Variants in KCNQ1 observed in about 807,000 individuals in gnomAD.
KCNQ1 encodes the protein potassium voltage-gated channel subfamily Q member 1, also known as potassium voltage-gated channel subfamily KQT member 1.
A neutral mutation model predicts 72.4 loss-of-function variants in KCNQ1; 49 were observed. That is an observed-to-expected ratio of 0.68 (90% CI 0.54 to 0.86). The LOEUF (loss-of-function observed/expected upper bound fraction) is 0.86. KCNQ1 is among the 40% of genes least tolerant of loss of function. The pLI is 0.00. For synonymous variants in KCNQ1, 450 were observed against 412.6 expected, an observed-to-expected ratio of 1.09 and a Z score of -1.10; for missense variants, 790 against 945.1, an observed-to-expected ratio of 0.84 and a Z score of 2.15.
chr11:2,695,511 A>G lies in KCNQ1; in HGVS notation c.1514+33430A>G, dbSNP rs912718902. ...GTGTACATCTAGTCCCCTGCTCCTA[A>G]CCACAGTGACCAGCTCCAACTGCCC... On this transcript the variant is annotated intron_variant, in intron 11 of 15. Transcript: ENST00000155840. This position sits in a 1 kb window ranked among gnomAD's most constrained non-coding sequence, Gnocchi z 5.2. 9 of 398,256 alleles carry G rather than the reference A, an allele frequency of 2.3e-5. No homozygotes were observed. Among genetic ancestry groups the G allele is most frequent in the Non-Finnish European group, 3.5e-5 (8 of 226,052 alleles). The allele number at this position is 398,256 out of a possible 1,614,324, so 24.7% of individuals were successfully genotyped here. A position where few individuals can be genotyped will look rare whatever the true frequency, so the allele number is the denominator to read the frequency against.
chr11:2,620,470 C>T lies in KCNQ1; in HGVS notation c.1393+31616C>T. 3 of 331,700 alleles carry T rather than the reference C, an allele frequency of 9.0e-6. No individual in the cohort carries two copies. Among genetic ancestry groups the T allele is most frequent in the Non-Finnish European group, 1.6e-5 (3 of 185,248 alleles). 20.5% of individuals were successfully genotyped at this position (331,700 alleles called of 1,614,324 possible). ...ACCTCAGGTGATCCACCCGCCTTGGCCTCCCAAAGTGCTGGGATTACAGGT... is the reference window on the plus strand; with the variant it reads ...ACCTCAGGTGATCCACCCGCCTTGGTCTCCCAAAGTGCTGGGATTACAGGT... On this transcript the variant is annotated intron_variant, in intron 10 of 15. Coordinates refer to ENST00000155840, the MANE Select transcript of KCNQ1 (RefSeq NM_000218.3). The surrounding 1 kb of genome is among the most constrained non-coding windows in gnomAD (Gnocchi z 4.5).
chr11:2,548,299 C>T (rs1320259497), intron 2 of KCNQ1, among the ~76,000 whole-genome samples: 1 of 152,182 alleles, frequency 6.6e-6, no homozygotes, highest in African/African-American at 2.4e-5. Flanking sequence ...ACGTCTTTTG[C>T]TGCTTCCCTT....
At chr11:2,529,798 C>A (rs984503863) in intron 2 of KCNQ1, among the ~76,000 whole-genome samples, 1 of 152,142 alleles carries the variant, frequency 6.6e-6, no homozygotes, top group South Asian at 2.1e-4. Context: ...GTGGTACCTG[C>A]GGCCAGCGGG....
chr11:2,522,234 G>T (rs1287795937), intron 1 of KCNQ1, among the ~76,000 whole-genome samples: 1 of 151,616 alleles, frequency 6.6e-6, no homozygotes, highest in African/African-American at 2.4e-5. Context: ...CCTCTTGGGA[G>T]CTCGGGTGGG....
At chr11:2,805,455 G>A (rs1180666269) in intron 15 of KCNQ1, among the ~76,000 whole-genome samples, 1 of 152,246 alleles carries the variant, frequency 6.6e-6, no homozygotes, top group Non-Finnish European at 1.5e-5. Context: ...ATTTACAAAA[G>A]GATCTGAAGG....
chr11:2,546,009 T>G (rs912357656), intron 2 of KCNQ1, among the ~76,000 whole-genome samples: 1 of 152,154 alleles, frequency 6.6e-6, no homozygotes, highest in Non-Finnish European at 1.5e-5. Flanking sequence ...TTGATTAATT[T>G]TAATTATTTT....
rs771274050 is a variant in KCNQ1, at chr11:2,646,319, T to C, written c.1394-15642T>C. Reference sequence around the variant, plus strand: ...AGGTAAATATGATCATTTTAACATTTTTCTTTCAATCCATGAGCATGGGAT... The same window carrying C: ...AGGTAAATATGATCATTTTAACATTCTTCTTTCAATCCATGAGCATGGGAT... On this transcript the variant is annotated intron_variant, in intron 10 of 15. Transcript: ENST00000155840. The C allele has an allele frequency of 9.5e-4, 377 of 398,490 alleles. 1 individual carries two copies. The highest frequency in any genetic ancestry group is 1.9e-3 in the Middle Eastern group (3 of 1,610). 24.7% of individuals were successfully genotyped at this position (398,490 alleles called of 1,614,324 possible).
intron 12 of KCNQ1, among the ~76,000 whole-genome samples, chr11:2,774,215 G>A (rs1674659704): frequency 2.0e-5 from 3 of 152,244 alleles, no homozygotes; most frequent in African/African-American, 2.4e-5. Context: ...ACTGAGACCT[G>A]AGGATGTTAT....
At position 2,803,151 on chromosome 11, in the gene KCNQ1, C is replaced by T. The variant is rs116550923; in HGVS notation, c.1794+25114C>T. ...CTCAGGGTAGCCCAGAAAACCCAGC[C>T]GGGCCCCCCCCCCCACGGGCACCCA... is the stretch of plus-strand genomic sequence containing the variant. On this transcript the variant is annotated intron_variant, in intron 15 of 15. Transcript: ENST00000155840. The surrounding 1 kb of genome is among the most constrained non-coding windows in gnomAD (Gnocchi z 6.4). Among the ~76,000 whole-genome samples the T allele has an allele frequency of 0.045, 2,870 of 63,740 alleles. 30 individuals carry two copies. Among genetic ancestry groups the T allele is most frequent in the South Asian group, 0.16 (270 of 1,704 alleles). 41.8% of individuals were successfully genotyped at this position (63,740 alleles called of 152,430 possible). A position where few individuals can be genotyped will look rare whatever the true frequency, so the allele number is the denominator to read the frequency against.
At chr11:2,685,489 C>T (rs1850471644) in intron 11 of KCNQ1, 1 of 398,750 alleles carries the variant, frequency 2.5e-6, no homozygotes, top group Admixed American at 4.4e-5. Context: ...AGGCCACCAG[C>T]AAGTTGCTCA....
In KCNQ1 at chr11:2,642,716, G is replaced by T. The variant is rs1257158218; in HGVS notation, c.1394-19245G>T. On this transcript the variant is annotated intron_variant, in intron 10 of 15. Coordinates refer to ENST00000155840, the MANE Select transcript of KCNQ1 (RefSeq NM_000218.3). This position sits in a 1 kb window ranked among gnomAD's most constrained non-coding sequence, Gnocchi z 4.3. ...TTCTACTAATTTTATGTTTAGTATG[G>T]TTTGTTCTTGCTTTTCTGGTTCCTT... 5.0e-6 allele frequency: 2 copies of T among 397,400 alleles called. No homozygotes were observed. Among genetic ancestry groups the T allele is most frequent in the African/African-American group, 4.1e-5 (2 of 48,498 alleles). The allele number at this position is 397,400 out of a possible 1,614,324, so 24.6% of individuals were successfully genotyped here. A position where few individuals can be genotyped will look rare whatever the true frequency, so the allele number is the denominator to read the frequency against.
rs182082303 is a variant in KCNQ1 at position 2,564,477 on chromosome 11, T to C, written c.478-6151T>C. ...CGGGTGTGGTGGTGGGTGCCTCTAA[T>C]CCAGCTACTCAGGGGGCTGAGGCAG... On this transcript the variant is annotated intron_variant, in intron 2 of 15. Coordinates refer to ENST00000155840, the MANE Select transcript of KCNQ1 (RefSeq NM_000218.3). The surrounding 1 kb of genome is among the most constrained non-coding windows in gnomAD (Gnocchi z 4.5). 6.8e-4 allele frequency among the ~76,000 whole-genome samples: 104 copies of C among 152,144 alleles called. No homozygotes were observed. The highest frequency in any genetic ancestry group is 1.4e-3 in the Non-Finnish European group (95 of 67,994).
In KCNQ1 at chr11:2,691,568, C is replaced by T. The variant is rs1850588252; in HGVS notation, c.1514+29487C>T. On this transcript the variant is annotated intron_variant, in intron 11 of 15. Coordinates refer to ENST00000155840, the MANE Select transcript of KCNQ1 (RefSeq NM_000218.3). The surrounding 1 kb of genome is among the most constrained non-coding windows in gnomAD (Gnocchi z 6.4). ...TCTATCCTGAGGTTATGAAATACCT[C>T]AGCAAGGACGAGGCCTCCCTGAGGG... 2.5e-6 allele frequency: 1 copy of T among 398,458 alleles called. No homozygotes were observed. Among genetic ancestry groups the T allele is most frequent in the African/African-American group, 2.1e-5 (1 of 48,606 alleles). The allele number at this position is 398,458 out of a possible 1,614,324, so 24.7% of individuals were successfully genotyped here.
rs920616739 is a variant in KCNQ1 at position 2,712,403 on chromosome 11, G to T, written c.1514+50322G>T. 6.6e-6 allele frequency among the ~76,000 whole-genome samples: 1 copy of T among 152,138 alleles called. No homozygotes were observed. The highest frequency in any genetic ancestry group is 2.4e-5 in the African/African-American group (1 of 41,432). ...GGCAGGAACAGGAGTCCGGCCTGGG[G>T]GATGTTAGACTCACCAGCCATCCCC... On this transcript the variant is annotated intron_variant, in intron 11 of 15. Transcript: ENST00000155840. The surrounding 1 kb of genome is among the most constrained non-coding windows in gnomAD (Gnocchi z 6.4).
rs148351403 is a variant in KCNQ1 at position 2,586,982 on chromosome 11, T to C, written c.1129-588T>C. ...CCACCCTTCCCTTGTGGTGCTGCCA[T>C]GGGGTCTCTCTGAAATGCTGGCTTC... is the stretch of plus-strand genomic sequence containing the variant. On this transcript the variant is annotated intron_variant, in intron 8 of 15. Transcript: ENST00000155840. 6.2e-4 allele frequency among the ~76,000 whole-genome samples: 95 copies of C among 152,092 alleles called. 1 individual carries two copies. In the East Asian group the frequency reaches 0.017, roughly 28 times the overall value.
At chr11:2,825,174 G>A (rs964586552) in intron 15 of KCNQ1, among the ~76,000 whole-genome samples, 11 of 140,380 alleles carry the variant, frequency 7.8e-5, no homozygotes, top group African/African-American at 2.9e-4. Context: ...GTTTCCCTGC[G>A]GCGGGACTGG....
In KCNQ1 at chr11:2,824,254, G is replaced by A. The variant is rs1351579197; in HGVS notation, c.1795-23513G>A. ...CCAGAGTAGAGGGGAGGTGGGTGAG[G>A]AGGCTACGCAGAGGCCCTGGGAGGA... On this transcript the variant is annotated intron_variant, in intron 15 of 15. Transcript: ENST00000155840. This position sits in a 1 kb window ranked among gnomAD's most constrained non-coding sequence, Gnocchi z 5.9. Among the ~76,000 whole-genome samples the A allele has an allele frequency of 1.3e-5, 2 of 152,138 alleles. No homozygotes were observed. The highest frequency in any genetic ancestry group is 2.9e-5 in the Non-Finnish European group (2 of 68,018).
chr11:2,575,481 G>A (rs77680326), intron 6 of KCNQ1, among the ~76,000 whole-genome samples: 29 of 152,264 alleles, frequency 1.9e-4, no homozygotes, highest in African/African-American at 6.5e-4. Flanking sequence ...GGCATTTCTC[G>A]GACAAACAGA....
intron 15 of KCNQ1, among the ~76,000 whole-genome samples, chr11:2,798,401 CACAA>C (rs1052999222): frequency 5.9e-5 from 9 of 152,186 alleles, no homozygotes; most frequent in African/African-American, 2.2e-4. Flanking sequence ...GAGCCGTTCC[CACAA>C]AAGCCTTCCT....
Sources: allele counts gnomAD v4.1 joint callset (sites outside exome capture counted in the v4.1 genomes callset), GRCh38; gene constraint gnomAD v4.1.1; non-coding constraint Gnocchi (gnomAD v3.1); transcripts MANE v1.5; gene names NCBI Gene and HGNC (gene_info 2026-07-23, HGNC 2026-07-21).